The following DLG2 variants were observed in gnomAD, a reference collection of about 807,000 sequenced individuals.
DLG2 encodes discs large MAGUK scaffold protein 2, also known as disks large homolog 2.
Under a neutral mutation model 132.5 loss-of-function variants are expected in DLG2, and 45 were observed. The observed-to-expected ratio is 0.34, with a 90% CI of 0.27 to 0.44. DLG2 has a LOEUF of 0.44. Ranked by LOEUF, DLG2 falls within the 20% of genes least tolerant of loss-of-function variation. DLG2 has a pLI of 1.00. For synonymous variants in DLG2, 424 were observed against 419.6 expected (o/e 1.01, Z -0.13); for missense variants, 1,045 against 1,196.9 (o/e 0.87, Z 1.87).
chr11:84,078,046 T>C (rs2096852221), intron 10 of DLG2, among the ~76,000 whole-genome samples: 1 of 152,184 alleles, frequency 6.6e-6, no homozygotes, highest in Admixed American at 6.5e-5. Flanking sequence ...ATCACTAAAA[T>C]ATATTATGAA....
intron 19 of DLG2, among the ~76,000 whole-genome samples, chr11:83,604,269 A>G (rs1045573845): frequency 6.6e-6 from 1 of 152,218 alleles, no homozygotes; most frequent in Admixed American, 6.5e-5. Flanking sequence ...TCCTTTATTC[A>G]TAAGAGATTC....
At chr11:85,270,610 AG>A (rs769772496) in intron 4 of DLG2, among the ~76,000 whole-genome samples, 4 of 152,212 alleles carry the variant, frequency 2.6e-5, no homozygotes, top group Admixed American at 2.6e-4. Context: ...GGAACTCCCT[AG>A]AGACTTGTTG....
At chr11:85,134,256 T>C (rs1228213666) in intron 5 of DLG2, among the ~76,000 whole-genome samples, 6 of 128,194 alleles carry the variant, frequency 4.7e-5, no homozygotes, top group Non-Finnish European at 1.6e-5. Context: ...CACCACCCTC[T>C]TTTTTTTTTT....
intron 21 of DLG2, among the ~76,000 whole-genome samples, chr11:83,509,478 C>T (rs1330202835): frequency 3.9e-5 from 6 of 152,154 alleles, no homozygotes; most frequent in South Asian, 4.1e-4. Context: ...GCAGTAGCTA[C>T]GTGCCTACTT....
chr11:83,487,432 A>G (rs1364063022), intron 21 of DLG2, among the ~76,000 whole-genome samples: 8 of 152,048 alleles, frequency 5.3e-5, no homozygotes, highest in Non-Finnish European at 1.2e-4. Flanking sequence ...CATTATTCCC[A>G]TATTACAGAA....
intron 8 of DLG2, among the ~76,000 whole-genome samples, chr11:84,168,342 C>T (rs1004190684): frequency 1.3e-5 from 2 of 152,226 alleles, no homozygotes; most frequent in African/African-American, 4.8e-5. Context: ...GAGAATATGA[C>T]AGACGATGTT....
chr11:84,145,047 C>T (rs1421286414), intron 9 of DLG2, among the ~76,000 whole-genome samples: 2 of 152,104 alleles, frequency 1.3e-5, no homozygotes, highest in East Asian at 1.9e-4. Flanking sequence ...TAAACTCGTA[C>T]CCCTGAGTTA....
chr11:84,126,488 A>G (rs2094178949), intron 9 of DLG2, among the ~76,000 whole-genome samples: 1 of 152,172 alleles, frequency 6.6e-6, no homozygotes, highest in South Asian at 2.1e-4. Context: ...ATTGGAAATC[A>G]TCTGATACAA....
At chr11:84,006,519 C>T in intron 11 of DLG2, among the ~76,000 whole-genome samples, 1 of 151,264 alleles carries the variant, frequency 6.6e-6, no homozygotes, top group Middle Eastern at 3.4e-3. Context: ...TAAGTATTTA[C>T]AATAAATACT....
At chr11:85,542,106 G>A (rs1431281009) in intron 3 of DLG2, among the ~76,000 whole-genome samples, 3 of 152,148 alleles carry the variant, frequency 2.0e-5, no homozygotes, top group Non-Finnish European at 4.4e-5. Flanking sequence ...CACAGAGAAA[G>A]AGAAATGAAT....
chr11:83,872,979 T>G (rs1458881345), intron 16 of DLG2, among the ~76,000 whole-genome samples: 2 of 152,234 alleles, frequency 1.3e-5, no homozygotes, highest in Non-Finnish European at 2.9e-5. Context: ...TATTTAAAGA[T>G]TTTTAAGGTT....
intron 7 of DLG2, among the ~76,000 whole-genome samples, chr11:84,286,377 C>T (rs1221585330): frequency 6.6e-6 from 1 of 152,062 alleles, no homozygotes; most frequent in East Asian, 1.9e-4. Context: ...CAATAGCTCT[C>T]CTGAGTAAAT....
chr11:85,073,016 A>T (rs2066082784), intron 6 of DLG2, among the ~76,000 whole-genome samples: 1 of 151,896 alleles, frequency 6.6e-6, no homozygotes, highest in South Asian at 2.1e-4. Context: ...ATGACAAGGT[A>T]TTTATTAGAT....
intron 6 of DLG2, among the ~76,000 whole-genome samples, chr11:84,959,877 A>G (rs1025221124): frequency 1.3e-5 from 2 of 152,164 alleles, no homozygotes; most frequent in African/African-American, 4.8e-5. Context: ...GTAGAAATGT[A>G]TATAGACAAT....
chr11:84,449,301 A>G (rs941075303), intron 7 of DLG2, among the ~76,000 whole-genome samples: 32 of 152,012 alleles, frequency 2.1e-4, no homozygotes, highest in Non-Finnish European at 3.8e-4. Flanking sequence ...CATACAAATC[A>G]TTTCATTTTC....
chr11:84,518,620 C>T (rs2099281011), intron 7 of DLG2, among the ~76,000 whole-genome samples: 1 of 152,036 alleles, frequency 6.6e-6, no homozygotes, highest in Non-Finnish European at 1.5e-5. Context: ...TTGCTGAGGC[C>T]CATTTCATTT....
intron 6 of DLG2, among the ~76,000 whole-genome samples, chr11:84,928,154 G>T (rs1357348526): frequency 1.3e-5 from 2 of 151,918 alleles, no homozygotes; most frequent in Non-Finnish European, 2.9e-5. Context: ...TTTTAGAGTG[G>T]AGGCTAAAGA....
chr11:83,873,523 C>A (rs145847828), intron 16 of DLG2, among the ~76,000 whole-genome samples: 1 of 152,106 alleles, frequency 6.6e-6, no homozygotes, highest in Non-Finnish European at 1.5e-5. Context: ...GTAAGAAGTG[C>A]CTTTTGCCAT....
intron 6 of DLG2, among the ~76,000 whole-genome samples, chr11:84,925,213 G>A (rs2092931798): frequency 6.6e-6 from 1 of 152,054 alleles, no homozygotes; most frequent in Non-Finnish European, 1.5e-5. Context: ...GCCCAGGAGA[G>A]AGAGACCAAA....
Sources: gnomAD v4.1 joint callset for allele counts (sites outside exome capture counted in the v4.1 genomes callset) on GRCh38, gnomAD v4.1.1 for gene constraint, MANE v1.5 for transcripts, NCBI Gene and HGNC (gene_info 2026-07-23, HGNC 2026-07-21) for gene names.